Variants in PLEKHB2 observed in about 807,000 individuals in gnomAD.
PLEKHB2 encodes the protein pleckstrin homology domain containing B2, also known as pleckstrin homology domain-containing family B member 2.
In PLEKHB2, 31 loss-of-function variants were observed where a neutral mutation model predicts 36.5. That is an observed-to-expected ratio of 0.85 (90% CI 0.64 to 1.15). The LOEUF is 1.15. Among genes scored for constraint, PLEKHB2 ranks in the 50% most tolerant of loss-of-function variants. The pLI, the probability that PLEKHB2 is intolerant of heterozygous loss-of-function variation, is 0.00. For missense variants in PLEKHB2, 262 were observed against 295.3 expected, an observed-to-expected ratio of 0.89 and a Z score of 0.83; for synonymous variants, 119 against 112.0, an observed-to-expected ratio of 1.06 and a Z score of -0.39.
chr2:131,134,089 C>G (rs987831285), intron 6 of PLEKHB2, among the ~76,000 whole-genome samples: 3 of 151,820 alleles, frequency 2.0e-5, no homozygotes, highest in Non-Finnish European at 2.9e-5. Context: ...TTAGTAGAGA[C>G]GGGGTTTCAC....
At chr2:131,140,614 G>C (rs567490325) in intron 7 of PLEKHB2, among the ~76,000 whole-genome samples, 2 of 152,304 alleles carry the variant, frequency 1.3e-5, no homozygotes, top group East Asian at 3.9e-4. Flanking sequence ...TTCTCCTTCT[G>C]GTGATGTCCT....
At chr2:131,126,215 C>T (rs1697086753) in intron 3 of PLEKHB2, among the ~76,000 whole-genome samples, 1 of 152,150 alleles carries the variant, frequency 6.6e-6, no homozygotes, top group African/African-American at 2.4e-5. Flanking sequence ...TTGATGGTGA[C>T]TCCAGTCAAT....
chr2:131,128,348 A>C (rs1208528519), intron 4 of PLEKHB2, among the ~76,000 whole-genome samples: 1 of 152,178 alleles, frequency 6.6e-6, no homozygotes, highest in African/African-American at 2.4e-5. Context: ...GAAAAATAAG[A>C]AAAGGAAAAT....
In PLEKHB2 at chr2:131,126,887, G is replaced by A. The variant is rs1001495366; in HGVS notation, c.293+101G>A. On this transcript the variant is annotated intron_variant, in intron 4 of 7. Coordinates refer to ENST00000693505, the MANE Select transcript of PLEKHB2 (RefSeq NM_001100623.2). ...GAAAGGGCGTGGAGTTTTCTTTCAGGCATCAGAATAAGGGACTCAGTGGAT... is the reference window on the plus strand; with the variant it reads ...GAAAGGGCGTGGAGTTTTCTTTCAGACATCAGAATAAGGGACTCAGTGGAT... 8.6e-5 allele frequency: 60 copies of A among 700,376 alleles called. No individual in the cohort carries two copies. In the African/African-American group the frequency reaches 1.0e-3, roughly 12 times the overall value. The allele number at this position is 700,376 out of a possible 1,614,324, so 43.4% of individuals were successfully genotyped here. A position where few individuals can be genotyped will look rare whatever the true frequency, so the allele number is the denominator to read the frequency against.
At chr2:131,107,127 C>T (rs976410787) in intron 1 of PLEKHB2, among the ~76,000 whole-genome samples, 5 of 152,186 alleles carry the variant, frequency 3.3e-5, no homozygotes, top group Admixed American at 2.6e-4. Context: ...CCTCTGCCTG[C>T]CTTCTTACTG....
At chr2:131,114,765 A>G (rs905945992) in intron 1 of PLEKHB2, among the ~76,000 whole-genome samples, 1 of 152,170 alleles carries the variant, frequency 6.6e-6, no homozygotes, top group African/African-American at 2.4e-5. Flanking sequence ...AGACCAGTGC[A>G]GCCTGGACCT....
At position 131,139,243 on chromosome 2, in the gene PLEKHB2, G is replaced by C. The variant is rs531644661; in HGVS notation, c.424-924G>C. Among the ~76,000 whole-genome samples, 320 of 152,220 alleles carry C rather than the reference G, an allele frequency of 2.1e-3. 3 individuals are homozygous for C. The highest frequency in any genetic ancestry group is 7.4e-3 in the African/African-American group (306 of 41,514). Reference sequence around the variant, plus strand: ...ATGTGTGAAGCAAAAAGGAAACCCAGGTCCTCCCTCAGGTGCTAAAGTTCC... The same window carrying C: ...ATGTGTGAAGCAAAAAGGAAACCCACGTCCTCCCTCAGGTGCTAAAGTTCC... On this transcript the variant is annotated intron_variant, in intron 6 of 7. Coordinates refer to ENST00000693505, the MANE Select transcript of PLEKHB2 (RefSeq NM_001100623.2).
At chr2:131,138,737 C>T (rs1044996770) in intron 6 of PLEKHB2, among the ~76,000 whole-genome samples, 1 of 152,314 alleles carries the variant, frequency 6.6e-6, no homozygotes, top group South Asian at 2.1e-4. Flanking sequence ...ATGATTGCCA[C>T]TGAGAGGTCC....
intron 2 of PLEKHB2, among the ~76,000 whole-genome samples, chr2:131,122,608 A>G (rs1339997373): frequency 6.6e-6 from 1 of 152,212 alleles, no homozygotes; most frequent in Admixed American, 6.5e-5. Flanking sequence ...GAGGTTAGGT[A>G]CTTGTCTAAG....
At chr2:131,130,687 G>T (rs775296798) in intron 4 of PLEKHB2, 34 bp from the exon 5 acceptor site, 2 of 1,506,102 alleles carry the variant, frequency 1.3e-6, no homozygotes, top group East Asian at 4.5e-5. Context: ...ATGTTGGATT[G>T]CCTTAAATAA....
intron 1 of PLEKHB2, among the ~76,000 whole-genome samples, chr2:131,106,338 C>T (rs558844385): frequency 6.6e-6 from 1 of 152,204 alleles, no homozygotes; most frequent in South Asian, 2.1e-4. Context: ...GGGCTGACAG[C>T]TGAGGGGAGG....
At chr2:131,125,956 T>G (rs370187048) in intron 3 of PLEKHB2, 51 bp downstream of exon 3, 5 of 1,560,222 alleles carry the variant, frequency 3.2e-6, no homozygotes, top group Non-Finnish European at 4.4e-6. Context: ...TCCTCTGTCT[T>G]GCTGGGAGCT....
chr2:131,132,882 C>T lies in PLEKHB2; in HGVS notation c.334-20C>T, dbSNP rs764942443. The T allele has an allele frequency of 1.4e-6, 2 of 1,465,570 alleles. No individual in the cohort carries two copies. The highest frequency in any genetic ancestry group is 1.4e-5 in the African/African-American group (1 of 71,998). The allele number at this position is 1,465,570 out of a possible 1,614,324, so 90.8% of individuals were successfully genotyped here. A position where few individuals can be genotyped will look rare whatever the true frequency, so the allele number is the denominator to read the frequency against. ...CTGCTGGGAAGCTGTCCTGTCCTCACCCTCTCCTGTCTCCCGCAGGCGTAT... is the reference window on the plus strand; with the variant it reads ...CTGCTGGGAAGCTGTCCTGTCCTCATCCTCTCCTGTCTCCCGCAGGCGTAT... On this transcript the variant is annotated intron_variant, in intron 5 of 7. Transcript: ENST00000693505.
intron 1 of PLEKHB2, among the ~76,000 whole-genome samples, chr2:131,107,190 A>C (rs1694828917): frequency 6.6e-6 from 1 of 152,214 alleles, no homozygotes; most frequent in African/African-American, 2.4e-5. Context: ...ACTACCAAAA[A>C]CTGCAAAACA....
In PLEKHB2 at chr2:131,148,123, T is replaced by C. The variant is rs1437102945; in HGVS notation, c.*1350T>C. 1.3e-5 allele frequency: 2 copies of C among 152,248 alleles called. No individual in the cohort carries two copies. The highest frequency in any genetic ancestry group is 2.9e-5 in the Non-Finnish European group (2 of 68,166). The allele number at this position is 152,248 out of a possible 1,614,324, so 9.4% of individuals were successfully genotyped here. The stretch of plus-strand genomic sequence containing the variant: ...CAGGGCAGACTGTAGCTGAGCAGAC[T>C]TGGGTTATGGATGGGATATGGGGCC... On this transcript the variant is annotated 3_prime_UTR_variant, in exon 8 of 8. Coordinates refer to ENST00000693505, the MANE Select transcript of PLEKHB2 (RefSeq NM_001100623.2).
At chr2:131,134,587 C>T (rs114121040) in intron 6 of PLEKHB2, among the ~76,000 whole-genome samples, 3,069 of 152,142 alleles carry the variant, frequency 0.02, 109 homozygotes, top group African/African-American at 0.07. Context: ...GTATTGTTAC[C>T]TTCCTTTGAT....
intron 4 of PLEKHB2, among the ~76,000 whole-genome samples, chr2:131,127,859 C>T (rs1255874431): frequency 6.6e-6 from 1 of 152,124 alleles, no homozygotes; most frequent in Non-Finnish European, 1.5e-5. Context: ...GGAAAAAATC[C>T]TTAAGAATGT....
chr2:131,131,442 G>A (rs1697666978), intron 5 of PLEKHB2, among the ~76,000 whole-genome samples: 1 of 152,156 alleles, frequency 6.6e-6, no homozygotes, highest in Non-Finnish European at 1.5e-5. Context: ...TCCTGTTTCT[G>A]GCCTTAGGAG....
At position 131,118,918 on chromosome 2, in the gene PLEKHB2, G is replaced by C. The variant is rs992345964; in HGVS notation, c.-8-2016G>C. On this transcript the variant is annotated intron_variant, in intron 1 of 7. Transcript: ENST00000693505. ...AAAAAAGCTAAAGCAGAAAACAAAA[G>C]TGGCCCATGGTCTCAGCTTCCAGAT... The C allele has an allele frequency of 5.8e-5, 7 of 120,156 alleles. No homozygotes were observed. In the Admixed American group the frequency reaches 5.9e-4, roughly 10 times the overall value. 7.4% of individuals were successfully genotyped at this position (120,156 alleles called of 1,614,324 possible).
Sources: allele counts gnomAD v4.1 joint callset (sites outside exome capture counted in the v4.1 genomes callset), GRCh38; gene constraint gnomAD v4.1.1; transcripts MANE v1.5; gene names NCBI Gene and HGNC (gene_info 2026-07-23, HGNC 2026-07-21).